The following ANKRD28 variants were observed in gnomAD, a reference collection of about 807,000 sequenced individuals.
The protein encoded by ANKRD28 is serine/threonine-protein phosphatase 6 regulatory ankyrin repeat subunit A.
In ANKRD28, 44 loss-of-function variants were observed where a neutral mutation model predicts 126.5. The ratio of observed to expected loss-of-function variants is 0.35; its 90% CI spans 0.27 to 0.45. ANKRD28 has a LOEUF of 0.45. ANKRD28 is among the 20% of genes least tolerant of loss of function. The probability of loss-of-function intolerance (pLI) is 1.00; values close to 1 mark genes in which losing one functional copy is unlikely to be tolerated. For missense variants in ANKRD28, 1,110 were observed against 1,316.6 expected (o/e 0.84, Z 2.43); for synonymous variants, 442 against 468.5 (o/e 0.94, Z 0.73).
chr3:15,810,063 T>C (rs779804265), intron 1 of ANKRD28, among the ~76,000 whole-genome samples: 2 of 151,910 alleles, frequency 1.3e-5, no homozygotes, highest in Non-Finnish European at 2.9e-5. Context: ...TGACACCGAG[T>C]AAATACACTT....
At chr3:15,721,854 C>T (rs1457093547) in intron 7 of ANKRD28, among the ~76,000 whole-genome samples, 1 of 152,106 alleles carries the variant, frequency 6.6e-6, no homozygotes, top group African/African-American at 2.4e-5. Flanking sequence ...AAGTGATTCT[C>T]CTGCCTCAGC....
chr3:15,716,910 T>C (rs2073142738), intron 8 of ANKRD28, among the ~76,000 whole-genome samples: 1 of 152,142 alleles, frequency 6.6e-6, no homozygotes, highest in Admixed American at 6.5e-5. Context: ...TGAAGTGAGC[T>C]ATGATGGTGC....
Position 15,670,090 on chromosome 3 carries a change from G to C in ANKRD28, c.*180C>G, listed in dbSNP as rs966411723. ...TCAGGTCTATTTCAAGATTCTAGAA[G>C]TTCCTTTTGTAAAACTTGCCTTTAA... On this transcript the variant is annotated 3_prime_UTR_variant, in exon 28 of 28. Transcript: ENST00000683139. 2.1e-5 allele frequency: 13 copies of C among 616,682 alleles called. No homozygotes were observed. The highest frequency in any genetic ancestry group is 3.3e-5 in the Non-Finnish European group (12 of 361,546). 38.2% of individuals were successfully genotyped at this position (616,682 alleles called of 1,614,324 possible).
intron 1 of ANKRD28, among the ~76,000 whole-genome samples, chr3:15,803,197 T>C (rs1425580861): frequency 6.6e-6 from 1 of 152,154 alleles, no homozygotes; most frequent in Non-Finnish European, 1.5e-5. Context: ...TTATGTGGCT[T>C]TGATACGAAG....
At chr3:15,821,843 T>C (rs1158288540) in intron 1 of ANKRD28, among the ~76,000 whole-genome samples, 2 of 152,164 alleles carry the variant, frequency 1.3e-5, no homozygotes, top group Admixed American at 6.5e-5. Flanking sequence ...TTTTGAACTA[T>C]GTAGTGGCTC....
At chr3:15,674,196 A>AAAAAAGAAG (rs1470515364) in intron 27 of ANKRD28, among the ~76,000 whole-genome samples, 17 of 130,152 alleles carry the variant, frequency 1.3e-4, no homozygotes, top group African/African-American at 5.2e-4. Flanking sequence ...AAAAAAAAAA[A>AAAAAAGAAG]AAGAAGAAGA....
chr3:15,790,042 T>C (rs998263654), intron 2 of ANKRD28, among the ~76,000 whole-genome samples: 12 of 151,854 alleles, frequency 7.9e-5, no homozygotes, highest in South Asian at 2.1e-4. Flanking sequence ...AACTGGAAAA[T>C]ATAGAAGAAA....
rs35843528 is a variant in ANKRD28 at position 15,843,772 on chromosome 3, TA to T, written c.27+15604del. Among the ~76,000 whole-genome samples, 28,741 of 146,408 alleles carry T rather than the reference TA, an allele frequency of 0.2. 3,807 individuals are homozygous for T. The highest frequency in any genetic ancestry group is 0.58 in the East Asian group (2,933 of 5,094). On this transcript the variant is annotated intron_variant, in intron 1 of 27. Transcript: ENST00000399451. This position sits in a 1 kb window ranked among gnomAD's most constrained non-coding sequence, Gnocchi z 5.2. ...GTAGGCCAGTTTGAGCCAAAAATAA[TA>T]AAAAAAAAAAAGAGGCAGAAATCAA...
At chr3:15,674,399 T>C (rs980297587) in intron 27 of ANKRD28, among the ~76,000 whole-genome samples, 11 of 41,872 alleles carry the variant, frequency 2.6e-4, no homozygotes, top group African/African-American at 8.6e-4. Flanking sequence ...CCTGAGCCAC[T>C]GTTAAGAATG....
At chr3:15,720,001 C>A (rs1203186838) in intron 8 of ANKRD28, among the ~76,000 whole-genome samples, 1 of 152,152 alleles carries the variant, frequency 6.6e-6, no homozygotes, top group Non-Finnish European at 1.5e-5. Context: ...TCCCAAGTAG[C>A]TGGGACTACA....
chr3:15,805,599 T>C (rs779403754), intron 1 of ANKRD28, among the ~76,000 whole-genome samples: 3 of 152,190 alleles, frequency 2.0e-5, no homozygotes, highest in Non-Finnish European at 2.9e-5. Flanking sequence ...AGCCCTCATA[T>C]TAAAATCAGT....
At chr3:15,677,157 C>A in intron 25 of ANKRD28, 101 bp from the exon 26 acceptor site, 2 of 896,878 alleles carry the variant, frequency 2.2e-6, no homozygotes, top group Non-Finnish European at 1.8e-6. Context: ...ATGTACAACA[C>A]CATACATATA....
intron 7 of ANKRD28, among the ~76,000 whole-genome samples, chr3:15,723,137 G>A (rs1200659817): frequency 2.0e-5 from 3 of 152,162 alleles, no homozygotes; most frequent in Non-Finnish European, 2.9e-5. Context: ...TCTAGATCAA[G>A]GGTCTTTTAA....
intron 10 of ANKRD28, among the ~76,000 whole-genome samples, chr3:15,713,148 G>C (rs973479683): frequency 3.3e-5 from 5 of 152,218 alleles, no homozygotes; most frequent in Non-Finnish European, 7.4e-5. Flanking sequence ...GCTTGGCACA[G>C]CACAGCCTGA....
chr3:15,802,397 A>T (rs2060480763), upstream of ANKRD28, among the ~76,000 whole-genome samples: 1 of 152,176 alleles, frequency 6.6e-6, no homozygotes, highest in Admixed American at 6.5e-5. Context: ...AGAAATAAAA[A>T]GTCCTGCCTT....
At chr3:15,842,200 TC>T (rs2125972580) in intron 1 of ANKRD28, among the ~76,000 whole-genome samples, 1 of 152,004 alleles carries the variant, frequency 6.6e-6, no homozygotes, top group African/African-American at 2.4e-5. Context: ...GAATATATGG[TC>T]CATACACACA....
intron 1 of ANKRD28, among the ~76,000 whole-genome samples, chr3:15,847,074 G>A (rs898866540): frequency 3.9e-5 from 6 of 152,158 alleles, no homozygotes; most frequent in African/African-American, 1.2e-4. Flanking sequence ...ATTACCCCCA[G>A]AAGATCATCA....
rs2061708449 is a variant in ANKRD28 at position 15,854,011 on chromosome 3, A to G, written c.27+5366T>C. Among the ~76,000 whole-genome samples the G allele has an allele frequency of 6.6e-6, 1 of 152,250 alleles. No individual in the cohort carries two copies. The highest frequency in any genetic ancestry group is 1.5e-5 in the Non-Finnish European group (1 of 68,052). On this transcript the variant is annotated intron_variant, in intron 1 of 27. Coordinates refer to the ANKRD28 transcript ENST00000399451. The surrounding 1 kb of genome is among the most constrained non-coding windows in gnomAD (Gnocchi z 4.1). ...TACGTATGTTCTGATTTACAGCAGT[A>G]GCTACCTAACTGGTCCTGGGTGTCC...
At chr3:15,795,145 T>C (rs1410319964) in intron 2 of ANKRD28, 78 bp downstream of exon 2, 13 of 1,047,248 alleles carry the variant, frequency 1.2e-5, no homozygotes, top group Non-Finnish European at 1.8e-5. Context: ...TTATGTCTTG[T>C]AAACAAAAAT....
Sources: allele counts gnomAD v4.1 joint callset (sites outside exome capture counted in the v4.1 genomes callset), GRCh38; gene constraint gnomAD v4.1.1; non-coding constraint Gnocchi (gnomAD v3.1); transcripts MANE v1.5; gene names NCBI Gene and HGNC (gene_info 2026-07-23, HGNC 2026-07-21).